EXT1: variants seen among roughly 807,000 people sequenced by gnomAD.
EXT1 encodes exostosin glycosyltransferase 1.
EXT1 carries 20 observed loss-of-function variants against 82.5 expected under a neutral mutation model. The observed-to-expected ratio is 0.24, with a 90% CI of 0.17 to 0.35. The LOEUF is 0.35. Among genes scored for constraint, EXT1 ranks in the 10% least tolerant of loss-of-function variants. EXT1 has a pLI of 1.00. For synonymous variants in EXT1, 348 were observed against 350.8 expected (o/e 0.99, Z 0.09); for missense variants, 757 against 936.5 (o/e 0.81, Z 2.50).
intron 1 of EXT1, among the ~76,000 whole-genome samples, chr8:117,847,107 C>T (rs1812374280): frequency 6.6e-6 from 1 of 152,110 alleles, no homozygotes; most frequent in African/African-American, 2.4e-5. Flanking sequence ...CCTACTGTAA[C>T]TACTCAAAAA....
intron 1 of EXT1, among the ~76,000 whole-genome samples, chr8:118,032,343 G>C (rs942220091): frequency 6.6e-6 from 1 of 151,632 alleles, no homozygotes; most frequent in Non-Finnish European, 1.5e-5. Flanking sequence ...AGCAATCTGT[G>C]CTCCACAGAG....
intron 1 of EXT1, among the ~76,000 whole-genome samples, chr8:118,070,375 G>A (rs1014510119): frequency 4.0e-4 from 61 of 151,708 alleles, no homozygotes; most frequent in African/African-American, 1.4e-3. Context: ...CCTTATCTCT[G>A]CTATGATTTG....
At chr8:118,102,374 C>T (rs867441731) in intron 1 of EXT1, among the ~76,000 whole-genome samples, 6 of 151,734 alleles carry the variant, frequency 4.0e-5, no homozygotes, top group Middle Eastern at 3.4e-3. Context: ...CTTAAAAATC[C>T]TATTTTCCAA....
chr8:118,002,317 G>A (rs891509214), intron 1 of EXT1, among the ~76,000 whole-genome samples: 2 of 146,154 alleles, frequency 1.4e-5, no homozygotes, highest in African/African-American at 5.1e-5. Flanking sequence ...GGAGGCAGAG[G>A]TTGCAGTGAG....
rs939211977 is a variant in EXT1 at position 117,797,930 on chromosome 8, C to G, written c.*1782G>C. On this transcript the variant is annotated 3_prime_UTR_variant, in exon 11 of 11. Coordinates refer to ENST00000378204, the MANE Select transcript of EXT1 (RefSeq NM_000127.3). ...CTCTTTAATTGAATTTCACTGTCTA[C>G]GCACCTCTCAAAACACCATCTGGAT... The G allele has an allele frequency of 4.6e-5, 7 of 152,212 alleles. No homozygotes were observed. Among genetic ancestry groups the G allele is most frequent in the Non-Finnish European group, 1.0e-4 (7 of 68,060 alleles). 9.4% of individuals were successfully genotyped at this position (152,212 alleles called of 1,614,324 possible).
At chr8:117,992,438 TAAAAA>T (rs142840509) in intron 1 of EXT1, among the ~76,000 whole-genome samples, 5 of 53,102 alleles carry the variant, frequency 9.4e-5, no homozygotes, top group African/African-American at 2.1e-4. Flanking sequence ...TTCAACTAGC[TAAAAA>T]AAAAAAAAAA....
chr8:117,989,061 CAA>C (rs10649300), intron 1 of EXT1, among the ~76,000 whole-genome samples: 31 of 105,322 alleles, frequency 2.9e-4, no homozygotes, highest in Admixed American at 3.0e-4. Context: ...CCCCTCCTCT[CAA>C]AAAAAAAAAA....
chr8:117,921,399 C>A (rs55712037), intron 1 of EXT1, among the ~76,000 whole-genome samples: 12,604 of 152,238 alleles, frequency 0.083, 861 homozygotes, highest in African/African-American at 0.19. Context: ...GCAACCAGCT[C>A]ATATACTTGA....
intron 4 of EXT1, among the ~76,000 whole-genome samples, chr8:117,824,732 T>C (rs1018230688): frequency 5.3e-5 from 8 of 152,262 alleles, no homozygotes; most frequent in African/African-American, 1.7e-4. Flanking sequence ...TACATATTAA[T>C]AGTATTCATG....
intron 7 of EXT1, among the ~76,000 whole-genome samples, chr8:117,815,835 C>G (rs1257515544): frequency 1.3e-5 from 2 of 151,268 alleles, no homozygotes; most frequent in African/African-American, 4.9e-5. Flanking sequence ...GAGGCTGAGG[C>G]AGGAGAATCG....
chr8:118,052,728 G>T (rs374147563), intron 1 of EXT1, among the ~76,000 whole-genome samples: 2 of 152,208 alleles, frequency 1.3e-5, no homozygotes, highest in Non-Finnish European at 2.9e-5. Context: ...AGCAGCATAG[G>T]TTCATTAGAT....
chr8:118,107,846 G>C (rs1054130910), intron 1 of EXT1, among the ~76,000 whole-genome samples: 2 of 152,088 alleles, frequency 1.3e-5, no homozygotes, highest in African/African-American at 4.8e-5. Flanking sequence ...GCACCATCCC[G>C]GGCTACATGC....
intron 1 of EXT1, among the ~76,000 whole-genome samples, chr8:117,872,140 A>G (rs72673947): frequency 0.14 from 21,207 of 149,496 alleles, 1,625 homozygotes; most frequent in African/African-American, 0.2. Context: ...CCCTGTTTCA[A>G]AAGAAAGAAA....
intron 1 of EXT1, among the ~76,000 whole-genome samples, chr8:118,097,950 A>G (rs1323842858): frequency 6.6e-6 from 1 of 152,162 alleles, no homozygotes; most frequent in East Asian, 1.9e-4. Context: ...TGACTCTGGA[A>G]GAAGTCAGAT....
intron 1 of EXT1, among the ~76,000 whole-genome samples, chr8:118,079,195 A>G (rs1262831852): frequency 6.6e-6 from 1 of 152,232 alleles, no homozygotes; most frequent in African/African-American, 2.4e-5. Context: ...TAAGGGTACA[A>G]AAAGCAACAT....
chr8:118,023,462 G>A lies in EXT1; in HGVS notation c.962+86623C>T, dbSNP rs574701105. ...CAGCAGAAGGGGAGCTTTAAAATAG[G>A]AATGGCTTCACTCTCTGAGCCATTT... On this transcript the variant is annotated intron_variant, in intron 1 of 10. Transcript: ENST00000378204. Among the ~76,000 whole-genome samples, 9 of 152,258 alleles carry A rather than the reference G, an allele frequency of 5.9e-5. 1 individual carries two copies. The South Asian group carries it at 1.9e-3, about 32-fold the overall frequency.
chr8:118,008,242 T>G lies in EXT1; in HGVS notation c.962+101843A>C, dbSNP rs147308863. On this transcript the variant is annotated intron_variant, in intron 1 of 10. Coordinates refer to ENST00000378204, the MANE Select transcript of EXT1 (RefSeq NM_000127.3). Reference sequence around the variant, plus strand: ...TGTCTTCCACAATGGTTGAGCTAATTTATGCATATTATACTTTTTTTTGTT... The same window carrying G: ...TGTCTTCCACAATGGTTGAGCTAATGTATGCATATTATACTTTTTTTTGTT... 2.4e-3 allele frequency among the ~76,000 whole-genome samples: 360 copies of G among 152,036 alleles called. 1 individual carries two copies. The highest frequency in any genetic ancestry group is 8.1e-3 in the African/African-American group (334 of 41,354).
At chr8:118,060,904 G>A (rs1266524438) in intron 1 of EXT1, among the ~76,000 whole-genome samples, 1 of 152,180 alleles carries the variant, frequency 6.6e-6, no homozygotes, top group African/African-American at 2.4e-5. Context: ...AAAAGACACT[G>A]CCTGGTATCA....
Position 117,850,699 on chromosome 8 carries a change from T to C in EXT1, c.963-13498A>G, listed in dbSNP as rs1812437997. Among the ~76,000 whole-genome samples the C allele has an allele frequency of 2.6e-5, 4 of 152,196 alleles. 1 individual carries two copies. In the South Asian group the frequency reaches 8.3e-4, roughly 32 times the overall value. On this transcript the variant is annotated intron_variant, in intron 1 of 10. Transcript: ENST00000378204. ...AACACACTGCCTCCTTTCTTTGAAA[T>C]TTTTAATACTTGGGGATAATGATAT... is the stretch of plus-strand genomic sequence containing the variant.
Sources: gnomAD v4.1 joint callset for allele counts (sites outside exome capture counted in the v4.1 genomes callset) on GRCh38, gnomAD v4.1.1 for gene constraint, MANE v1.5 for transcripts, NCBI Gene and HGNC (gene_info 2026-07-23, HGNC 2026-07-21) for gene names.